RUSC2: variants seen among roughly 807,000 people sequenced by gnomAD.
RUSC2 encodes AP-4 complex accessory subunit RUSC2.
RUSC2 carries 34 observed loss-of-function variants against 122.2 expected under a neutral mutation model. The observed-to-expected ratio is 0.28, with a 90% CI of 0.21 to 0.37. RUSC2 has a LOEUF of 0.37. Among genes scored for constraint, RUSC2 ranks in the 10% least tolerant of loss-of-function variants. The pLI is 1.00. For missense variants in RUSC2, 1,747 were observed against 1,952.4 expected (o/e 0.89, Z 1.98); for synonymous variants, 784 against 790.0 (o/e 0.99, Z 0.13).
intron 1 of RUSC2, among the ~76,000 whole-genome samples, chr9:35,531,216 G>A (rs1031796380): frequency 6.6e-6 from 1 of 151,910 alleles, no homozygotes; most frequent in African/African-American, 2.4e-5. Flanking sequence ...AGCTGAGATC[G>A]CACCACTGCA....
chr9:35,559,838 C>A (rs1037225771), intron 9 of RUSC2, among the ~76,000 whole-genome samples, 191 bp from the exon 10 acceptor site: 2 of 152,184 alleles, frequency 1.3e-5, no homozygotes, highest in African/African-American at 4.8e-5. Context: ...CTCAGGGCCA[C>A]CGCCTGGGGT....
At chr9:35,545,254 A>G (rs1242329947) in intron 1 of RUSC2, among the ~76,000 whole-genome samples, 1 of 152,218 alleles carries the variant, frequency 6.6e-6, no homozygotes, top group African/African-American at 2.4e-5. Context: ...GAGAAAGGCA[A>G]TGAGGGATTT....
At chr9:35,529,896 C>G (rs182181432) in intron 1 of RUSC2, among the ~76,000 whole-genome samples, 1 of 152,290 alleles carries the variant, frequency 6.6e-6, no homozygotes, top group Non-Finnish European at 1.5e-5. Context: ...GACTGACCTT[C>G]TCAAAGCCAG....
Position 35,557,311 on chromosome 9 carries a change from G to A in RUSC2, c.2984-603G>A, listed in dbSNP as rs937570084. Among the ~76,000 whole-genome samples, 2 of 152,094 alleles carry A rather than the reference G, an allele frequency of 1.3e-5. No homozygotes were observed. Among genetic ancestry groups the A allele is most frequent in the Non-Finnish European group, 2.9e-5 (2 of 68,020 alleles). On this transcript the variant is annotated intron_variant, in intron 5 of 11. Transcript: ENST00000361226. The surrounding 1 kb of genome is among the most constrained non-coding windows in gnomAD (Gnocchi z 4.6). ...AAAGAACCCGGGCAAGAAGGGAAACGGCCACCTTCCTCCAGGACGCGAAGG... is the reference window on the plus strand; with the variant it reads ...AAAGAACCCGGGCAAGAAGGGAAACAGCCACCTTCCTCCAGGACGCGAAGG...
At position 35,548,220 on chromosome 9, in the gene RUSC2, G is replaced by A. The variant is rs200032166; in HGVS notation, c.1699G>A (p.Gly567Arg). ...CTCGCCCCCACTTCGTGTGAGTGTT[G>A]GGGACTCCTCCCAGGAGTTCTCACC... ...SGSPPLRVSV[G>R]DSSQEFSPIQ... Residue 567 changes from glycine to arginine, a missense_variant, in exon 2 of 12, where the codon GGG becomes AGG. Coordinates refer to ENST00000361226, the MANE Select transcript of RUSC2 (RefSeq NM_014806.5). The surrounding 1 kb of genome is among the most constrained non-coding windows in gnomAD (Gnocchi z 4.5). 6.2e-7 allele frequency: 1 copy of A among 1,613,362 alleles called. No homozygotes were observed. Among genetic ancestry groups the A allele is most frequent in the Admixed American group, 1.7e-5 (1 of 60,008 alleles).
chr9:35,546,382 C>T lies in RUSC2; in HGVS notation c.-92-48C>T. 1.9e-6 allele frequency: 1 copy of T among 516,178 alleles called. No individual in the cohort carries two copies. The highest frequency in any genetic ancestry group is 3.1e-6 in the Non-Finnish European group (1 of 325,902). The allele number at this position is 516,178 out of a possible 1,614,324, so 32.0% of individuals were successfully genotyped here. A position where few individuals can be genotyped will look rare whatever the true frequency, so the allele number is the denominator to read the frequency against. On this transcript the variant is annotated intron_variant, in intron 1 of 11. Coordinates refer to ENST00000361226, the MANE Select transcript of RUSC2 (RefSeq NM_014806.5). The surrounding 1 kb of genome is among the most constrained non-coding windows in gnomAD (Gnocchi z 4.3). ...GATGTAGGGAAGGGCATGCCCCTGA[C>T]TTCCAGGGAGGTGACATTAGGTTCC...
chr9:35,546,675 A>G lies in RUSC2; in HGVS notation c.154A>G (p.Ile52Val). 1.3e-6 allele frequency: 2 copies of G among 1,566,150 alleles called. No individual in the cohort carries two copies. Among genetic ancestry groups the G allele is most frequent in the Non-Finnish European group, 1.7e-6 (2 of 1,157,820 alleles). ...TCCCTTCTGCCCACCTGAGCTGGGCATCACCCAGCCCGATCAAGACCTAGG... is the reference window on the plus strand; with the variant it reads ...TCCCTTCTGCCCACCTGAGCTGGGCGTCACCCAGCCCGATCAAGACCTAGG... ...PNPFCPPELGITQPDQDLGQA... is the reference protein window; with the variant it reads ...PNPFCPPELGVTQPDQDLGQA... The change falls in exon 2 of 12, where the codon ATC becomes GTC. Residue 52 changes from isoleucine (I) to valine (V), a missense_variant. Physicochemically the swap from Ile to Val is conservative, Grantham distance 29 (BLOSUM62 3). Coordinates refer to ENST00000361226, the MANE Select transcript of RUSC2 (RefSeq NM_014806.5). The surrounding 1 kb of genome is among the most constrained non-coding windows in gnomAD (Gnocchi z 4.3).
chr9:35,495,857 T>C (rs1820702589), intron 1 of RUSC2, among the ~76,000 whole-genome samples: 1 of 152,194 alleles, frequency 6.6e-6, no homozygotes. Flanking sequence ...ATGTTTTGTA[T>C]TTCTCAGTGT....
intron 1 of RUSC2, among the ~76,000 whole-genome samples, chr9:35,505,441 T>C (rs571459285): frequency 1.3e-5 from 2 of 152,314 alleles, no homozygotes; most frequent in Non-Finnish European, 2.9e-5. Context: ...CCTGAAACTT[T>C]TCTTGATTAC....
chr9:35,508,351 A>G (rs944780393), intron 1 of RUSC2, among the ~76,000 whole-genome samples: 1 of 152,298 alleles, frequency 6.6e-6, no homozygotes, highest in Admixed American at 6.5e-5. Flanking sequence ...GTTTGTTTAG[A>G]TATCCACCTT....
chr9:35,491,829 G>C (rs1437806164), intron 1 of RUSC2, among the ~76,000 whole-genome samples: 5 of 151,590 alleles, frequency 3.3e-5, no homozygotes. Flanking sequence ...TGCACATGTA[G>C]TCCCAGCAAC....
At chr9:35,534,222 T>C (rs1433331448) in intron 1 of RUSC2, among the ~76,000 whole-genome samples, 2 of 152,144 alleles carry the variant, frequency 1.3e-5, no homozygotes, top group Non-Finnish European at 2.9e-5. Context: ...TGTTAAGCAT[T>C]TGTTTATATA....
At chr9:35,501,853 G>GAGGAAA (rs1261011789) in intron 1 of RUSC2, among the ~76,000 whole-genome samples, 1 of 151,944 alleles carries the variant, frequency 6.6e-6, no homozygotes, top group Non-Finnish European at 1.5e-5. Context: ...TTTAGTTTAG[G>GAGGAAA]ACCTATGCTA....
At chr9:35,516,811 C>G (rs1007988438) in intron 1 of RUSC2, among the ~76,000 whole-genome samples, 13 of 152,236 alleles carry the variant, frequency 8.5e-5, no homozygotes, top group Middle Eastern at 3.4e-3. Context: ...TGGTCCCTGC[C>G]AGGGTGTTTT....
chr9:35,547,402 C>T lies in RUSC2; in HGVS notation c.881C>T (p.Thr294Ile). 2 of 1,614,150 alleles carry T rather than the reference C, an allele frequency of 1.2e-6. No individual in the cohort carries two copies. Among genetic ancestry groups the T allele is most frequent in the Non-Finnish European group, 8.5e-7 (1 of 1,180,022 alleles). Residue 294 changes from threonine to isoleucine, a missense_variant, in exon 2 of 12, where the codon ACC becomes ATC. Physicochemically the swap from Thr to Ile is moderately conservative, Grantham distance 89. Transcript: ENST00000361226. The surrounding 1 kb of genome is among the most constrained non-coding windows in gnomAD (Gnocchi z 4.6). ...FSTLYNKMHG[T>I]PRANLNSAPQ... ...ACCCTCTACAACAAGATGCATGGCA[C>T]CCCCCGTGCCAATCTCAACTCTGCC...
chr9:35,491,026 G>C (rs573181833), intron 1 of RUSC2, among the ~76,000 whole-genome samples: 4 of 151,790 alleles, frequency 2.6e-5, no homozygotes, highest in Non-Finnish European at 4.4e-5. Flanking sequence ...TGAAACGCAG[G>C]AACAAGTAGA....
chr9:35,504,893 G>C (rs182518588), intron 1 of RUSC2, among the ~76,000 whole-genome samples: 33 of 152,330 alleles, frequency 2.2e-4, no homozygotes, highest in African/African-American at 7.7e-4. Flanking sequence ...GCCAAGGCCT[G>C]GGGTGGGGTT....
At chr9:35,530,192 C>G (rs112305001) in intron 1 of RUSC2, among the ~76,000 whole-genome samples, 1 of 152,194 alleles carries the variant, frequency 6.6e-6, no homozygotes, top group African/African-American at 2.4e-5. Flanking sequence ...CTCAAGCAAT[C>G]CGTCCACCTC....
At chr9:35,544,825 A>C (rs975228579) in intron 1 of RUSC2, among the ~76,000 whole-genome samples, 2 of 151,274 alleles carry the variant, frequency 1.3e-5, no homozygotes, top group Admixed American at 6.6e-5. Context: ...TATCTAAGAA[A>C]CCATCACCTA....
Sources: gnomAD v4.1 joint callset for allele counts (sites outside exome capture counted in the v4.1 genomes callset) on GRCh38, gnomAD v4.1.1 for gene constraint, Gnocchi (gnomAD v3.1) non-coding constraint, MANE v1.5 for transcripts, NCBI Gene and HGNC (gene_info 2026-07-23, HGNC 2026-07-21) for gene names.